Variants in HDAC9 observed in about 807,000 individuals in gnomAD.
HDAC9 encodes the protein histone deacetylase 9.
A neutral mutation model predicts 139.4 loss-of-function variants in HDAC9; 41 were observed. The observed-to-expected ratio is 0.29, with a 90% CI of 0.23 to 0.38. The LOEUF (loss-of-function observed/expected upper bound fraction) is 0.38, where lower values mean the gene tolerates loss of function less well. Among genes scored for constraint, HDAC9 ranks in the 10% least tolerant of loss-of-function variants. The pLI is 1.00. For synonymous variants in HDAC9, 517 were observed against 476.2 expected (o/e 1.09, Z -1.12); for missense variants, 1,147 against 1,297.0 (o/e 0.88, Z 1.78).
At chr7:18,905,055 T>C (rs1802099096) in intron 22 of HDAC9, among the ~76,000 whole-genome samples, 1 of 152,008 alleles carries the variant, frequency 6.6e-6, no homozygotes, top group South Asian at 2.1e-4. Flanking sequence ...TGAGCCACCA[T>C]GCCAGGCTAA....
At position 18,877,627 on chromosome 7, in the gene HDAC9, T is replaced by A. The variant is rs144516402; in HGVS notation, c.2803+3031T>A. Among the ~76,000 whole-genome samples, 334 of 152,284 alleles carry A rather than the reference T, an allele frequency of 2.2e-3. 2 individuals are homozygous for A. The highest frequency in any genetic ancestry group is 0.014 in the Middle Eastern group (4 of 294). On this transcript the variant is annotated intron_variant, in intron 22 of 25. Transcript: ENST00000686413. ...CATTGAGTCAATCTTTTAAAATAGT[T>A]TTGTTTGCTATCTCTGAAAGGAAAA...
intron 21 of HDAC9, among the ~76,000 whole-genome samples, chr7:18,846,068 C>T (rs1328655277): frequency 1.3e-5 from 2 of 152,096 alleles, no homozygotes; most frequent in Admixed American, 1.3e-4. Context: ...TCATGTCCTC[C>T]CTCTGCCCAC....
chr7:18,347,460 G>T (rs983020132), intron 1 of HDAC9, among the ~76,000 whole-genome samples: 1 of 152,138 alleles, frequency 6.6e-6, no homozygotes, highest in Admixed American at 6.6e-5. Context: ...CATTTGCTTA[G>T]ATTTCTACCA....
intron 1 of HDAC9, among the ~76,000 whole-genome samples, chr7:18,151,563 G>C (rs990391493): frequency 6.6e-6 from 1 of 152,086 alleles, no homozygotes; most frequent in Non-Finnish European, 1.5e-5. Flanking sequence ...ATGGTTCTTC[G>C]AAGAGATGAT....
intron 2 of HDAC9, among the ~76,000 whole-genome samples, chr7:18,554,889 G>T (rs539981000): frequency 1.3e-5 from 2 of 152,000 alleles, no homozygotes; most frequent in Non-Finnish European, 2.9e-5. Context: ...ATCTGTTAAG[G>T]GTCCTTTCTA....
chr7:18,584,090 T>G (rs905825586), intron 2 of HDAC9, among the ~76,000 whole-genome samples: 1 of 151,674 alleles, frequency 6.6e-6, no homozygotes, highest in African/African-American at 2.4e-5. Flanking sequence ...CACCTGGATA[T>G]CCTGTCTGTG....
intron 17 of HDAC9, among the ~76,000 whole-genome samples, chr7:18,801,823 T>G (rs1048265640): frequency 5.9e-5 from 9 of 152,072 alleles, no homozygotes; most frequent in Non-Finnish European, 1.0e-4. Flanking sequence ...TCTTGACATT[T>G]ACATATTGGA....
chr7:18,919,541 C>A (rs1446762683), intron 22 of HDAC9, among the ~76,000 whole-genome samples: 1 of 151,916 alleles, frequency 6.6e-6, no homozygotes, highest in Non-Finnish European at 1.5e-5. Flanking sequence ...TCTACAGCCA[C>A]CTGATAAAAA....
chr7:18,184,355 T>G (rs1443749961), intron 2 of HDAC9, among the ~76,000 whole-genome samples: 2 of 151,968 alleles, frequency 1.3e-5, no homozygotes, highest in Non-Finnish European at 2.9e-5. Context: ...AGCCAAGATC[T>G]CTCCATAGCA....
intron 13 of HDAC9, among the ~76,000 whole-genome samples, chr7:18,732,462 G>GTATA (rs2129133215): frequency 1.3e-5 from 1 of 76,528 alleles, no homozygotes; most frequent in South Asian, 4.3e-4. Context: ...GTGTATATTT[G>GTATA]TATGTGTGTA....
chr7:18,661,983 C>T (rs1402148816), intron 11 of HDAC9, among the ~76,000 whole-genome samples: 2 of 152,110 alleles, frequency 1.3e-5, no homozygotes, highest in Non-Finnish European at 2.9e-5. Flanking sequence ...AGTGACTTCA[C>T]AGGTCAGATT....
chr7:18,491,010 G>A (rs574215024), upstream of HDAC9, among the ~76,000 whole-genome samples: 2 of 151,856 alleles, frequency 1.3e-5, no homozygotes, highest in African/African-American at 4.8e-5. Context: ...AAAAGTCTCT[G>A]CTTGATTACA....
At chr7:18,310,855 T>A (rs1414063039) in intron 1 of HDAC9, among the ~76,000 whole-genome samples, 2 of 148,898 alleles carry the variant, frequency 1.3e-5, no homozygotes, top group African/African-American at 4.9e-5. Flanking sequence ...CACACTCTCT[T>A]ACTAAATTGC....
chr7:18,944,716 C>T (rs1211658491), intron 23 of HDAC9, among the ~76,000 whole-genome samples: 1 of 152,048 alleles, frequency 6.6e-6, no homozygotes, highest in Non-Finnish European at 1.5e-5. Flanking sequence ...TAACTAGTAT[C>T]CCCTTTCTCT....
At chr7:18,835,640 C>G in intron 20 of HDAC9, 54 bp downstream of exon 20, 1 of 1,598,704 alleles carries the variant, frequency 6.3e-7, no homozygotes, top group Non-Finnish European at 8.6e-7. Context: ...CAGGTAATTG[C>G]ATTGCATGAT....
chr7:18,627,933 CAT>C (rs139146883), intron 6 of HDAC9, among the ~76,000 whole-genome samples: 4,979 of 152,092 alleles, frequency 0.033, 285 homozygotes, highest in African/African-American at 0.11. Flanking sequence ...TCCAAGAAAA[CAT>C]ATAATGCAAG....
At chr7:18,125,461 T>A (rs1162643155) in intron 1 of HDAC9, among the ~76,000 whole-genome samples, 1 of 151,592 alleles carries the variant, frequency 6.6e-6, no homozygotes, top group Non-Finnish European at 1.5e-5. Flanking sequence ...GTGTGTTAAA[T>A]GGAGCAACAA....
chr7:18,879,877 C>T (rs1799597036), intron 22 of HDAC9, among the ~76,000 whole-genome samples: 1 of 152,100 alleles, frequency 6.6e-6, no homozygotes, highest in African/African-American at 2.4e-5. Flanking sequence ...AACAGACAGC[C>T]TACAGCATGG....
At chr7:18,720,722 C>G (rs1785082489) in intron 12 of HDAC9, among the ~76,000 whole-genome samples, 1 of 150,420 alleles carries the variant, frequency 6.6e-6, no homozygotes, top group Non-Finnish European at 1.5e-5. Context: ...CGCTCTGTCA[C>G]TCAGGCTGGA....
Sources: gnomAD v4.1 joint callset for allele counts (sites outside exome capture counted in the v4.1 genomes callset) on GRCh38, gnomAD v4.1.1 for gene constraint, MANE v1.5 for transcripts, NCBI Gene and HGNC (gene_info 2026-07-23, HGNC 2026-07-21) for gene names.